The following ANKS1B variants were observed in gnomAD, a reference collection of about 807,000 sequenced individuals.
ANKS1B encodes ankyrin repeat and sterile alpha motif domain containing 1B.
Under a neutral mutation model 148.3 loss-of-function variants are expected in ANKS1B, and 36 were observed. The ratio of observed to expected loss-of-function variants is 0.24; its 90% CI spans 0.19 to 0.32. The LOEUF is 0.32. ANKS1B is among the 10% of genes least tolerant of loss of function. ANKS1B has a pLI of 1.00. For missense variants in ANKS1B, 1,157 were observed against 1,542.6 expected, an observed-to-expected ratio of 0.75 and a Z score of 4.19; for synonymous variants, 542 against 560.8, an observed-to-expected ratio of 0.97 and a Z score of 0.47.
At chr12:98,894,774 C>CGGCGA (rs2099760492) in intron 17 of ANKS1B, 3 of 985,102 alleles carry the variant, frequency 3.0e-6, no homozygotes, top group Middle Eastern at 5.2e-4. Context: ...CGAATGCGAG[C>CGGCGA]GGCGAGGCGA....
chr12:99,512,464 T>C (rs1441159489), intron 9 of ANKS1B, among the ~76,000 whole-genome samples: 1 of 152,072 alleles, frequency 6.6e-6, no homozygotes, highest in African/African-American at 2.4e-5. Context: ...GAGTGTAAAT[T>C]AGTTCAACCA....
At chr12:99,459,750 A>G (rs1007550663) in intron 10 of ANKS1B, among the ~76,000 whole-genome samples, 2 of 152,154 alleles carry the variant, frequency 1.3e-5, no homozygotes, top group Admixed American at 1.3e-4. Context: ...GAAAGAAATC[A>G]TAGATTGACA....
intron 9 of ANKS1B, among the ~76,000 whole-genome samples, chr12:99,555,489 G>T (rs2097266429): frequency 6.6e-6 from 1 of 152,146 alleles, no homozygotes; most frequent in Admixed American, 6.5e-5. Flanking sequence ...AATACAAGTG[G>T]TGAGACTGGG....
At chr12:98,856,884 T>C (rs1285881468) in intron 17 of ANKS1B, among the ~76,000 whole-genome samples, 1 of 152,058 alleles carries the variant, frequency 6.6e-6, no homozygotes, top group Non-Finnish European at 1.5e-5. Context: ...ATGACATGAG[T>C]GTTCACTTTC....
intron 14 of ANKS1B, among the ~76,000 whole-genome samples, chr12:99,173,219 T>C (rs1401671921): frequency 6.6e-6 from 1 of 152,222 alleles, no homozygotes; most frequent in Non-Finnish European, 1.5e-5. Context: ...CCTTCTGTGA[T>C]GGATGCTTAT....
chr12:99,190,500 G>C (rs943654088), intron 14 of ANKS1B, among the ~76,000 whole-genome samples: 6 of 152,120 alleles, frequency 3.9e-5, no homozygotes, highest in African/African-American at 7.2e-5. Context: ...CAGATATACA[G>C]AGCAATGGAA....
At chr12:99,102,880 G>A (rs991564972) in intron 15 of ANKS1B, among the ~76,000 whole-genome samples, 1 of 152,080 alleles carries the variant, frequency 6.6e-6, no homozygotes, top group African/African-American at 2.4e-5. Flanking sequence ...AGTGAGCTAT[G>A]ATCACATCAC....
At chr12:99,719,609 C>T (rs1008732759) in intron 8 of ANKS1B, among the ~76,000 whole-genome samples, 1 of 152,118 alleles carries the variant, frequency 6.6e-6, no homozygotes, top group African/African-American at 2.4e-5. Context: ...GAACTCATTG[C>T]CTTAAGCCCT....
At chr12:99,528,396 C>T (rs910933403) in intron 9 of ANKS1B, among the ~76,000 whole-genome samples, 11 of 148,876 alleles carry the variant, frequency 7.4e-5, no homozygotes, top group African/African-American at 2.7e-4. Context: ...AACTAAAGAG[C>T]TTCTGCACAG....
At chr12:99,473,219 CAT>C (rs1268804428) in intron 10 of ANKS1B, among the ~76,000 whole-genome samples, 3 of 151,940 alleles carry the variant, frequency 2.0e-5, no homozygotes, top group East Asian at 3.9e-4. Flanking sequence ...ACATTAATAT[CAT>C]ATGACAATTC....
At chr12:99,902,521 C>T (rs1362492392) in intron 1 of ANKS1B, among the ~76,000 whole-genome samples, 1 of 151,844 alleles carries the variant, frequency 6.6e-6, no homozygotes, top group Admixed American at 6.6e-5. Flanking sequence ...ATTCCAGCTA[C>T]TATGGAAAGG....
chr12:99,911,274 G>C (rs985232079), intron 1 of ANKS1B, among the ~76,000 whole-genome samples: 1 of 152,152 alleles, frequency 6.6e-6, no homozygotes, highest in African/African-American at 2.4e-5. Context: ...ATCTAACAGA[G>C]TAGGAAAAAT....
rs146983212 is a variant in ANKS1B, at chr12:99,229,587, T to G, written c.2419+14755A>C. 7.1e-3 allele frequency among the ~76,000 whole-genome samples: 1,073 copies of G among 151,986 alleles called. 13 individuals are homozygous for G. Among genetic ancestry groups the G allele is most frequent in the South Asian group, 0.035 (169 of 4,818 alleles). On this transcript the variant is annotated intron_variant, in intron 14 of 26. Transcript: ENST00000683438. ...GAATCAACCAATAACAGATACAAAG[T>G]TTTTCTCATGGGTAAGTGCCCTACA...
chr12:99,737,397 C>G (rs2059710178), intron 8 of ANKS1B, among the ~76,000 whole-genome samples: 1 of 152,094 alleles, frequency 6.6e-6, no homozygotes, highest in Admixed American at 6.5e-5. Context: ...ATGGATGGAA[C>G]TAGAAATCCT....
chr12:99,816,821 G>A (rs1464643702), intron 2 of ANKS1B, among the ~76,000 whole-genome samples: 1 of 151,498 alleles, frequency 6.6e-6, no homozygotes, highest in Non-Finnish European at 1.5e-5. Flanking sequence ...AGGCTCATTA[G>A]AACAATTTAA....
chr12:98,885,034 A>G (rs1260349165), intron 17 of ANKS1B, among the ~76,000 whole-genome samples: 4 of 152,096 alleles, frequency 2.6e-5, no homozygotes, highest in Non-Finnish European at 4.4e-5. Context: ...ACAGGCCCCA[A>G]ATTTAGAAGT....
In ANKS1B at chr12:99,621,731, CA is replaced by C. The variant is rs546136073; in HGVS notation, c.1272+33335del. ...CTATCCTAGATATATACACACCCAACATTGAAGCATCTGGATTCATAAAACA... is the reference window on the plus strand; with the variant it reads ...CTATCCTAGATATATACACACCCAACTTGAAGCATCTGGATTCATAAAACA... On this transcript the variant is annotated intron_variant, in intron 9 of 26. Transcript: ENST00000683438. 1.7e-4 allele frequency among the ~76,000 whole-genome samples: 26 copies of C among 152,152 alleles called. No individual in the cohort carries two copies. The South Asian group carries it at 5.2e-3, about 30-fold the overall frequency.
chr12:99,700,761 T>C (rs2054678108), intron 8 of ANKS1B, among the ~76,000 whole-genome samples: 1 of 152,172 alleles, frequency 6.6e-6, no homozygotes, highest in Admixed American at 6.5e-5. Flanking sequence ...CCCATTCTAA[T>C]TGCTAGGATC....
At chr12:99,487,159 C>T (rs1424725436) in intron 10 of ANKS1B, among the ~76,000 whole-genome samples, 1 of 152,198 alleles carries the variant, frequency 6.6e-6, no homozygotes, top group Non-Finnish European at 1.5e-5. Context: ...CATCCAGGTC[C>T]TTCTGAACCA....
Sources: allele counts gnomAD v4.1 joint callset (sites outside exome capture counted in the v4.1 genomes callset), GRCh38; gene constraint gnomAD v4.1.1; transcripts MANE v1.5; gene names NCBI Gene and HGNC (gene_info 2026-07-23, HGNC 2026-07-21).